SEMA3A: variants seen among roughly 807,000 people sequenced by gnomAD.
SEMA3A encodes semaphorin-3A.
SEMA3A carries 29 observed loss-of-function variants against 97.9 expected under a neutral mutation model. The ratio of observed to expected loss-of-function variants is 0.30; its 90% CI spans 0.22 to 0.40. The LOEUF (loss-of-function observed/expected upper bound fraction) is 0.40, where lower values mean the gene tolerates loss of function less well. SEMA3A is among the 10% of genes least tolerant of loss of function. SEMA3A has a pLI of 1.00. For synonymous variants in SEMA3A, 321 were observed against 323.7 expected (o/e 0.99, Z 0.09); for missense variants, 763 against 951.3 (o/e 0.80, Z 2.60).
Position 84,350,971 on chromosome 7 carries a change from A to G in SEMA3A, c.-169+20853T>C, listed in dbSNP as rs556144. On this transcript the variant is annotated intron_variant, in intron 2 of 3. Coordinates refer to the SEMA3A transcript ENST00000424555. ...TGTGTATATTTTGTGATTCTCCTTG[A>G]AGATTAGATTATTTTCAAGACAGAC... Among the ~76,000 whole-genome samples the G allele has an allele frequency of 5.9e-3, 897 of 152,006 alleles. 11 individuals are homozygous for G. The highest frequency in any genetic ancestry group is 0.02 in the African/African-American group (834 of 41,454).
At chr7:84,106,439 G>A (rs1332815212) in intron 4 of SEMA3A, among the ~76,000 whole-genome samples, 1 of 152,064 alleles carries the variant, frequency 6.6e-6, no homozygotes, top group Admixed American at 6.6e-5. Flanking sequence ...CATCTAGATT[G>A]GTGTAAGTAC....
chr7:84,223,218 GAAGA>G (rs1308484716), intron 3 of SEMA3A, among the ~76,000 whole-genome samples: 4 of 151,756 alleles, frequency 2.6e-5, no homozygotes, highest in Admixed American at 2.0e-4. Flanking sequence ...GTTTCACGAA[GAAGA>G]AATAGGGTAA....
At chr7:84,143,950 AACAC>A (rs796470836) in intron 1 of SEMA3A, among the ~76,000 whole-genome samples, 16,700 of 94,358 alleles carry the variant, frequency 0.18, 1,121 homozygotes, top group Middle Eastern at 0.28. Flanking sequence ...CTCTCTCTCT[AACAC>A]ACACACACAC....
intron 2 of SEMA3A, among the ~76,000 whole-genome samples, chr7:84,336,675 A>C (rs1234438357): frequency 6.6e-6 from 1 of 152,182 alleles, no homozygotes; most frequent in Non-Finnish European, 1.5e-5. Flanking sequence ...TTATCAGTAC[A>C]GGCACACAAA....
intron 3 of SEMA3A, among the ~76,000 whole-genome samples, chr7:84,244,023 T>C (rs1255256557): frequency 6.6e-6 from 1 of 152,190 alleles, no homozygotes; most frequent in Non-Finnish European, 1.5e-5. Context: ...AATAATGTAG[T>C]CAATTTTAGA....
At chr7:83,970,465 C>T (rs1284980574) in intron 15 of SEMA3A, among the ~76,000 whole-genome samples, 1 of 152,150 alleles carries the variant, frequency 6.6e-6, no homozygotes, top group East Asian at 1.9e-4. Context: ...TTTATTCACT[C>T]TCCATTTTAA....
chr7:84,227,197 TATAG>T (rs1240196502), intron 3 of SEMA3A, among the ~76,000 whole-genome samples: 7 of 151,806 alleles, frequency 4.6e-5, no homozygotes, highest in Admixed American at 1.3e-4. Context: ...TATAGATATC[TATAG>T]ATAGATAGAT....
At chr7:84,462,638 G>A (rs1235060499) in intron 1 of SEMA3A, among the ~76,000 whole-genome samples, 1 of 152,116 alleles carries the variant, frequency 6.6e-6, no homozygotes, top group Non-Finnish European at 1.5e-5. Flanking sequence ...GAGTGGATCT[G>A]TAATAATAAA....
chr7:84,312,106 T>C (rs1801336120), intron 2 of SEMA3A, among the ~76,000 whole-genome samples: 1 of 151,980 alleles, frequency 6.6e-6, no homozygotes, highest in Admixed American at 6.6e-5. Flanking sequence ...TGAATGTGTA[T>C]GGCATCTATC....
chr7:84,453,766 CA>C (rs917642808), intron 1 of SEMA3A, among the ~76,000 whole-genome samples: 2 of 151,564 alleles, frequency 1.3e-5, no homozygotes, highest in South Asian at 2.1e-4. Context: ...CCTTTCTTTG[CA>C]AAAAAAACTT....
intron 2 of SEMA3A, among the ~76,000 whole-genome samples, chr7:84,322,917 G>A (rs1801684950): frequency 6.6e-6 from 1 of 152,120 alleles, no homozygotes; most frequent in Admixed American, 6.5e-5. Context: ...AGCATGGCAG[G>A]TATGTGTGTA....
chr7:84,403,827 G>A (rs969035661), intron 1 of SEMA3A, among the ~76,000 whole-genome samples: 2 of 152,162 alleles, frequency 1.3e-5, no homozygotes, highest in East Asian at 3.9e-4. Flanking sequence ...ACCTGCAGCT[G>A]AGGGTCCTGA....
intron 4 of SEMA3A, among the ~76,000 whole-genome samples, chr7:84,107,148 A>G (rs1458114259): frequency 6.6e-6 from 1 of 152,112 alleles, no homozygotes; most frequent in Non-Finnish European, 1.5e-5. Context: ...TTCGATTGCT[A>G]TTTTATTTCT....
At chr7:84,464,004 T>C (rs1009946383) in intron 1 of SEMA3A, among the ~76,000 whole-genome samples, 3 of 152,208 alleles carry the variant, frequency 2.0e-5, no homozygotes, top group African/African-American at 7.2e-5. Flanking sequence ...GTCCTGGGCA[T>C]GGCTGATGAT....
chr7:84,477,814 C>G (rs1806335744), intron 1 of SEMA3A, among the ~76,000 whole-genome samples: 1 of 152,176 alleles, frequency 6.6e-6, no homozygotes, highest in South Asian at 2.1e-4. Context: ...ATGAAATAAA[C>G]ATACGACCTG....
At chr7:84,047,337 C>T (rs928833069) in intron 5 of SEMA3A, among the ~76,000 whole-genome samples, 9 of 151,978 alleles carry the variant, frequency 5.9e-5, no homozygotes, top group South Asian at 4.1e-4. Flanking sequence ...AGCCAGTCGG[C>T]ACTGGCTTGA....
intron 1 of SEMA3A, among the ~76,000 whole-genome samples, chr7:84,480,295 T>C (rs996794939): frequency 6.6e-6 from 1 of 152,132 alleles, no homozygotes; most frequent in Non-Finnish European, 1.5e-5. Context: ...GAAGGTATAC[T>C]AGGAATGGAG....
At position 84,332,646 on chromosome 7, in the gene SEMA3A, C is replaced by T. The variant is rs1801935365; in HGVS notation, c.-168-25354G>A. Among the ~76,000 whole-genome samples, 3 of 149,550 alleles carry T rather than the reference C, an allele frequency of 2.0e-5. No homozygotes were observed. In the South Asian group the frequency reaches 6.4e-4, roughly 32 times the overall value. Reference sequence around the variant, plus strand: ...GTGGCTGTGACGTCAATCCAAGGCACTGATAAATTGAAATATATGTGTGTG... The same window carrying T: ...GTGGCTGTGACGTCAATCCAAGGCATTGATAAATTGAAATATATGTGTGTG... On this transcript the variant is annotated intron_variant, in intron 2 of 3. Coordinates refer to the SEMA3A transcript ENST00000424555.
chr7:84,088,020 CTG>C (rs1345271391), intron 4 of SEMA3A, among the ~76,000 whole-genome samples: 1 of 152,128 alleles, frequency 6.6e-6, no homozygotes. Context: ...TTGTAAGTAA[CTG>C]TATTATACCA....
Sources: gnomAD v4.1 joint callset for allele counts (sites outside exome capture counted in the v4.1 genomes callset) on GRCh38, gnomAD v4.1.1 for gene constraint, MANE v1.5 for transcripts, NCBI Gene and HGNC (gene_info 2026-07-23, HGNC 2026-07-21) for gene names.